The following PDE4D variants were observed in gnomAD, a reference collection of about 807,000 sequenced individuals.
The protein encoded by PDE4D is 3',5'-cyclic-AMP phosphodiesterase 4D.
In PDE4D, 24 loss-of-function variants were observed where a neutral mutation model predicts 87.4. The observed-to-expected ratio is 0.27, with a 90% confidence interval of 0.20 to 0.39. PDE4D has a LOEUF of 0.39. PDE4D is among the 10% of genes least tolerant of loss of function. The pLI, the probability that PDE4D is intolerant of heterozygous loss-of-function variation, is 1.00. For synonymous variants in PDE4D, 384 were observed against 383.2 expected, an observed-to-expected ratio of 1.00 and a Z score of -0.02; for missense variants, 714 against 1,041.0, an observed-to-expected ratio of 0.69 and a Z score of 4.32.
At chr5:59,083,990 T>G (rs188045885) in intron 5 of PDE4D, among the ~76,000 whole-genome samples, 14 of 152,156 alleles carry the variant, frequency 9.2e-5, no homozygotes, top group Middle Eastern at 3.4e-3. Flanking sequence ...AATGGGTTTT[T>G]TTGGGGGGGA....
At chr5:60,454,696 C>T (rs1213222567) in intron 1 of PDE4D, among the ~76,000 whole-genome samples, 1 of 152,066 alleles carries the variant, frequency 6.6e-6, no homozygotes, top group African/African-American at 2.4e-5. Context: ...CTAACGCATG[C>T]GGGGCTTAAT....
At chr5:59,656,489 G>A (rs1046166907) in intron 1 of PDE4D, among the ~76,000 whole-genome samples, 3 of 152,156 alleles carry the variant, frequency 2.0e-5, no homozygotes, top group Non-Finnish European at 2.9e-5. Flanking sequence ...TTAAGTCCAC[G>A]TGTCATGTGG....
intron 1 of PDE4D, among the ~76,000 whole-genome samples, chr5:60,388,185 G>A (rs1762324633): frequency 6.6e-6 from 1 of 151,960 alleles, no homozygotes; most frequent in South Asian, 2.1e-4. Flanking sequence ...AATCCTCTTG[G>A]GTTGTTATGG....
intron 1 of PDE4D, among the ~76,000 whole-genome samples, chr5:59,883,494 C>A (rs1749740642): frequency 1.3e-5 from 2 of 152,158 alleles, no homozygotes; most frequent in African/African-American, 4.8e-5. Flanking sequence ...GGAACTTAGA[C>A]AACAGGCCAT....
chr5:60,268,651 C>G (rs1171293018), intron 1 of PDE4D, among the ~76,000 whole-genome samples: 1 of 152,204 alleles, frequency 6.6e-6, no homozygotes, highest in Non-Finnish European at 1.5e-5. Flanking sequence ...CTGGGTCCAC[C>G]ATCATCTCTT....
Position 60,388,996 on chromosome 5 carries a change from T to C in PDE4D, c.-90+98946A>G, listed in dbSNP as rs142203057. ...TCTTTTTTTTAATTTCAACATTCCT[T>C]TGAGGAAAGAAAGGACAGAATTTTA... On this transcript the variant is annotated intron_variant, in intron 1 of 16. Coordinates refer to the PDE4D transcript ENST00000502484. Among the ~76,000 whole-genome samples the C allele has an allele frequency of 8.8e-3, 1,334 of 152,194 alleles. 13 individuals carry two copies. The highest frequency in any genetic ancestry group is 0.013 in the Non-Finnish European group (892 of 68,004).
intron 2 of PDE4D, among the ~76,000 whole-genome samples, chr5:60,107,906 T>C (rs914721770): frequency 3.3e-5 from 5 of 152,194 alleles, no homozygotes; most frequent in African/African-American, 9.6e-5. Context: ...AATATCATAC[T>C]GAATGGGCAA....
intron 2 of PDE4D, among the ~76,000 whole-genome samples, chr5:60,031,622 T>G (rs1003316265): frequency 1.3e-5 from 2 of 152,244 alleles, no homozygotes; most frequent in Non-Finnish European, 2.9e-5. Flanking sequence ...TTACATAAAT[T>G]TCAATCTATC....
At chr5:59,594,753 T>G (rs295948) in intron 1 of PDE4D, among the ~76,000 whole-genome samples, 24,369 of 152,210 alleles carry the variant, frequency 0.16, 2,175 homozygotes, top group South Asian at 0.23. Context: ...GCATCAGAAC[T>G]AGACATGCCA....
At chr5:60,135,321 T>C (rs1221986981) in intron 2 of PDE4D, among the ~76,000 whole-genome samples, 1 of 152,220 alleles carries the variant, frequency 6.6e-6, no homozygotes, top group Non-Finnish European at 1.5e-5. Flanking sequence ...GTTCGTAAGC[T>C]ACTGAGTGTA....
chr5:59,066,608 A>AT (rs968035567), intron 5 of PDE4D, among the ~76,000 whole-genome samples: 21 of 152,100 alleles, frequency 1.4e-4, no homozygotes, highest in African/African-American at 4.8e-4. Flanking sequence ...CCATGGAAAG[A>AT]TTTTTATTTA....
At position 59,062,703 on chromosome 5, in the gene PDE4D, G is replaced by T. The variant is rs1312349569; in HGVS notation, c.809-23732C>A. Among the ~76,000 whole-genome samples the T allele has an allele frequency of 1.1e-4, 15 of 137,686 alleles. No individual in the cohort carries two copies. In the South Asian group the frequency reaches 1.2e-3, roughly 11 times the overall value. 90.3% of individuals were successfully genotyped at this position (137,686 alleles called of 152,430 possible). A position where few individuals can be genotyped will look rare whatever the true frequency, so the allele number is the denominator to read the frequency against. On this transcript the variant is annotated intron_variant, in intron 5 of 14. Coordinates refer to ENST00000340635, the MANE Select transcript of PDE4D (RefSeq NM_001104631.2). Reference sequence around the variant, plus strand: ...TGTTTACAATGAGTGAATGCATGTGGTTTTTTTTTTTTTTTTGCACTACCC... The same window carrying T: ...TGTTTACAATGAGTGAATGCATGTGTTTTTTTTTTTTTTTTTGCACTACCC...
intron 1 of PDE4D, among the ~76,000 whole-genome samples, chr5:59,491,732 A>G (rs1806226361): frequency 1.3e-5 from 2 of 152,204 alleles, no homozygotes; most frequent in African/African-American, 4.8e-5. Context: ...TACTTAATCT[A>G]ACTATCTAAT....
At chr5:60,153,232 T>A (rs1781669276) in intron 2 of PDE4D, among the ~76,000 whole-genome samples, 1 of 152,168 alleles carries the variant, frequency 6.6e-6, no homozygotes, top group African/African-American at 2.4e-5. Flanking sequence ...AATAGACATT[T>A]CTCAAAAGAA....
chr5:59,154,386 T>C (rs1779869818), intron 5 of PDE4D, among the ~76,000 whole-genome samples: 2 of 152,226 alleles, frequency 1.3e-5, no homozygotes, highest in Non-Finnish European at 1.5e-5. Context: ...ATTATAGATG[T>C]GGTTTTATAC....
intron 2 of PDE4D, among the ~76,000 whole-genome samples, chr5:60,076,571 C>G (rs777100640): frequency 6.6e-6 from 1 of 152,106 alleles, no homozygotes; most frequent in Non-Finnish European, 1.5e-5. Flanking sequence ...GGCTCAATTT[C>G]TGGAAGATTT....
At chr5:59,559,127 T>G (rs2153690858) in intron 1 of PDE4D, among the ~76,000 whole-genome samples, 1 of 152,318 alleles carries the variant, frequency 6.6e-6, no homozygotes, top group South Asian at 2.1e-4. Flanking sequence ...TTTACTTCAT[T>G]TATTAAATGA....
chr5:59,717,102 C>G (rs72751231), intron 1 of PDE4D, among the ~76,000 whole-genome samples: 9 of 152,020 alleles, frequency 5.9e-5, no homozygotes, highest in Admixed American at 5.9e-4. Flanking sequence ...AAAACTGATG[C>G]GAATTCCTGA....
chr5:59,449,735 G>C (rs1330268074), intron 1 of PDE4D, among the ~76,000 whole-genome samples: 16 of 151,974 alleles, frequency 1.1e-4, no homozygotes. Context: ...TATGTTGGTG[G>C]GGGATATGGC....
Sources: gnomAD v4.1 joint callset for allele counts (sites outside exome capture counted in the v4.1 genomes callset) on GRCh38, gnomAD v4.1.1 for gene constraint, MANE v1.5 for transcripts, NCBI Gene and HGNC (gene_info 2026-07-23, HGNC 2026-07-21) for gene names.